TXLNG: variants seen among roughly 807,000 people sequenced by gnomAD.
The protein encoded by TXLNG is gamma-taxilin.
TXLNG carries 5 observed loss-of-function variants against 38.8 expected under a neutral mutation model. That is an observed-to-expected ratio of 0.13 (90% CI 0.07 to 0.27). The LOEUF is 0.27. Among genes scored for constraint, TXLNG ranks in the 10% least tolerant of loss-of-function variants. The pLI is 1.00. For missense variants in TXLNG, 393 were observed against 398.2 expected (o/e 0.99, Z 0.11); for synonymous variants, 182 against 158.2 (o/e 1.15, Z -1.13).
At chrX:16,826,879 A>G (rs1214434744) in intron 3 of TXLNG, among the ~76,000 whole-genome samples, 1 of 101,897 alleles carries the variant, frequency 9.8e-6, no homozygotes, top group African/African-American at 3.7e-5. Flanking sequence ...CTGGAGTGCA[A>G]TGGCGCGATC....
At position 16,837,566 on chromosome X, in the gene TXLNG, G is replaced by A. The variant is rs751666258; in HGVS notation, c.1060-27G>A. On this transcript the variant is annotated intron_variant, in intron 7 of 9. Transcript: ENST00000380122. ...ACTGGAATTGTTTGCATGGAACTCA[G>A]AATGTTTCATACTTTTTTTCCTATA... 5.4e-6 allele frequency: 6 copies of A among 1,107,379 alleles called. No individual in the cohort carries two copies. In the African/African-American group the frequency reaches 5.5e-5, roughly 10 times the overall value. 91.3% of individuals were successfully genotyped at this position (1,107,379 alleles called of 1,213,427 possible). A position where few individuals can be genotyped will look rare whatever the true frequency, so the allele number is the denominator to read the frequency against.
chrX:16,799,654 C>T lies in TXLNG; in HGVS notation c.102+13065C>T, dbSNP rs528602285. Among the ~76,000 whole-genome samples, 10 of 109,877 alleles carry T rather than the reference C, an allele frequency of 9.1e-5. No homozygotes were observed. The South Asian group carries it at 1.6e-3, about 18-fold the overall frequency. The stretch of plus-strand genomic sequence containing the variant: ...GGCATGGTGGCGGGCACCTGTAGTC[C>T]CAGCTACTCGGGAGGCTGAGGCAGG... On this transcript the variant is annotated intron_variant, in intron 1 of 9. Coordinates refer to ENST00000380122, the MANE Select transcript of TXLNG (RefSeq NM_018360.3).
rs138591026 is a variant in TXLNG, at chrX:16,825,173, A to T, written c.499-2921A>T. On this transcript the variant is annotated intron_variant, in intron 3 of 9. Transcript: ENST00000380122. ...AAAGAGATGTTCCACCTGATAAGTG[A>T]TTAGGGAAATGCAAATTAGGACCAC... 1.5e-3 allele frequency among the ~76,000 whole-genome samples: 174 copies of T among 112,291 alleles called. 1 individual carries two copies. The highest frequency in any genetic ancestry group is 5.5e-3 in the African/African-American group (169 of 30,979).
chrX:16,822,547 AT>A (rs1308574074), intron 3 of TXLNG, among the ~76,000 whole-genome samples: 1 of 112,097 alleles, frequency 8.9e-6, no homozygotes, highest in African/African-American at 3.2e-5. Flanking sequence ...CAGGAAAGGA[AT>A]GCTTCCATTG....
chrX:16,797,359 C>T (rs1358443540), intron 1 of TXLNG, among the ~76,000 whole-genome samples: 1 of 111,627 alleles, frequency 9.0e-6, no homozygotes, highest in South Asian at 3.7e-4. Context: ...AACTTACTGA[C>T]TTGGAACATT....
intron 1 of TXLNG, among the ~76,000 whole-genome samples, chrX:16,813,366 G>A (rs752486051): frequency 4.5e-5 from 5 of 110,641 alleles, no homozygotes; most frequent in Admixed American, 9.7e-5. Context: ...AGTGAGCTGC[G>A]CGTGGTGGCT....
intron 1 of TXLNG, among the ~76,000 whole-genome samples, chrX:16,795,077 A>G (rs1186607516): frequency 9.1e-6 from 1 of 110,367 alleles, no homozygotes; most frequent in Non-Finnish European, 1.9e-5. Context: ...GGAGATCGAG[A>G]CCATCCTGGC....
intron 1 of TXLNG, among the ~76,000 whole-genome samples, chrX:16,788,669 T>G (rs886427804): frequency 3.3e-4 from 32 of 96,632 alleles, no homozygotes; most frequent in Middle Eastern, 5.1e-3. Flanking sequence ...CTTGTTGTGT[T>G]TTTTTTTTTT....
chrX:16,816,790 C>T (rs1928760136), intron 1 of TXLNG, among the ~76,000 whole-genome samples: 1 of 111,946 alleles, frequency 8.9e-6, no homozygotes, highest in South Asian at 3.6e-4. Context: ...GTTTTGGTTC[C>T]TCTTACTTCT....
intron 1 of TXLNG, among the ~76,000 whole-genome samples, chrX:16,787,375 T>TC (rs1927531699): frequency 1.0e-5 from 1 of 98,007 alleles, no homozygotes; most frequent in Non-Finnish European, 2.2e-5. Context: ...TCCTCTTTTT[T>TC]CCCCTCTTTT....
intron 5 of TXLNG, among the ~76,000 whole-genome samples, chrX:16,831,068 T>C (rs1373497951): frequency 9.0e-6 from 1 of 111,340 alleles, no homozygotes; most frequent in East Asian, 2.8e-4. Context: ...AAATATTCCA[T>C]TGATATTTGA....
intron 3 of TXLNG, among the ~76,000 whole-genome samples, chrX:16,823,271 C>G (rs1929042208): frequency 9.2e-6 from 1 of 109,014 alleles, no homozygotes; most frequent in Non-Finnish European, 1.9e-5. Flanking sequence ...CCAGCCTTAC[C>G]AACATGGAGA....
At chrX:16,794,249 G>A (rs917098054) in intron 1 of TXLNG, among the ~76,000 whole-genome samples, 2 of 112,075 alleles carry the variant, frequency 1.8e-5, no homozygotes, top group Non-Finnish European at 1.9e-5. Context: ...TTGAAAGTGA[G>A]CAAAACATGC....
chrX:16,791,204 TCTC>T (rs1387164868), intron 1 of TXLNG, among the ~76,000 whole-genome samples: 1 of 111,707 alleles, frequency 9.0e-6, no homozygotes, highest in Non-Finnish European at 1.9e-5. Flanking sequence ...CTTTATATTC[TCTC>T]CTCTTCCCAG....
intron 1 of TXLNG, among the ~76,000 whole-genome samples, chrX:16,798,311 G>A (rs1927959617): frequency 8.9e-6 from 1 of 112,204 alleles, no homozygotes; most frequent in Non-Finnish European, 1.9e-5. Context: ...AGCTCATGGT[G>A]GCAGATAATT....
intron 1 of TXLNG, among the ~76,000 whole-genome samples, chrX:16,809,642 C>G (rs761911984): frequency 2.0e-4 from 22 of 110,780 alleles, no homozygotes; most frequent in African/African-American, 6.6e-4. Context: ...CCGCACCAGG[C>G]CAAGATATTT....
chrX:16,838,974 A>G (rs1268240036), intron 8 of TXLNG, among the ~76,000 whole-genome samples: 1 of 112,018 alleles, frequency 8.9e-6, no homozygotes, highest in East Asian at 2.8e-4. Context: ...CCCAAGGCAC[A>G]GGGCACTGGC....
chrX:16,840,502 A>G (rs1013324697), intron 9 of TXLNG: 10 of 744,764 alleles, frequency 1.3e-5, no homozygotes, highest in African/African-American at 2.3e-5. Context: ...GGCTGGGCAC[A>G]GTGGCTCACG....
intron 1 of TXLNG, among the ~76,000 whole-genome samples, chrX:16,812,293 G>A (rs886356999): frequency 9.1e-6 from 1 of 110,129 alleles, no homozygotes; most frequent in Non-Finnish European, 1.9e-5. Context: ...ACAGGTATGA[G>A]CCACCGTGCC....
Sources: gnomAD v4.1 joint callset for allele counts (sites outside exome capture counted in the v4.1 genomes callset) on GRCh38, gnomAD v4.1.1 for gene constraint, MANE v1.5 for transcripts, NCBI Gene and HGNC (gene_info 2026-07-23, HGNC 2026-07-21) for gene names.